NEXMIF: variants seen among roughly 807,000 people sequenced by gnomAD.
NEXMIF encodes neurite extension and migration factor, also known as XLMR protein related to neurite extension.
In NEXMIF, 8 loss-of-function variants were observed where a neutral mutation model predicts 62.1. That is an observed-to-expected ratio of 0.13 (90% CI 0.08 to 0.23). The LOEUF is 0.23. Ranked by LOEUF, NEXMIF falls within the 10% of genes least tolerant of loss-of-function variation. The pLI, the probability that NEXMIF is intolerant of heterozygous loss-of-function variation, is 1.00. For missense variants in NEXMIF, 976 were observed against 1,113.3 expected (o/e 0.88, Z 1.75); for synonymous variants, 404 against 416.6 (o/e 0.97, Z 0.37).
At chrX:74,782,719 A>AT in intron 1 of NEXMIF, among the ~76,000 whole-genome samples, 1 of 112,086 alleles carries the variant, frequency 8.9e-6, no homozygotes, top group East Asian at 2.8e-4. Context: ...CATTTCACTT[A>AT]GTAACATTAT....
At chrX:74,918,373 C>T (rs1190013229) in intron 1 of NEXMIF, among the ~76,000 whole-genome samples, 1 of 111,839 alleles carries the variant, frequency 8.9e-6, no homozygotes, top group African/African-American at 3.3e-5. Context: ...AGGATGTGTT[C>T]CAGTTATTTA....
intron 1 of NEXMIF, among the ~76,000 whole-genome samples, chrX:74,889,901 C>A (rs773024112): frequency 9.1e-6 from 1 of 110,083 alleles, no homozygotes; most frequent in African/African-American, 3.3e-5. Flanking sequence ...TAGTTTTCTT[C>A]TTTTTGTCTG....
chrX:74,805,709 T>C (rs993377409), intron 1 of NEXMIF, among the ~76,000 whole-genome samples: 5 of 111,855 alleles, frequency 4.5e-5, no homozygotes, highest in African/African-American at 1.6e-4. Context: ...ATGTGGCCAG[T>C]TTTCCAAGCA....
intron 1 of NEXMIF, among the ~76,000 whole-genome samples, chrX:74,871,384 G>A (rs1271586473): frequency 9.0e-6 from 1 of 111,188 alleles, no homozygotes; most frequent in Non-Finnish European, 1.9e-5. Flanking sequence ...AAAAGGCAGA[G>A]GCAAAAATTA....
At chrX:74,779,797 C>G (rs1364151530) in intron 1 of NEXMIF, among the ~76,000 whole-genome samples, 3 of 111,872 alleles carry the variant, frequency 2.7e-5, no homozygotes, top group South Asian at 3.8e-4. Flanking sequence ...GTAGACCCAA[C>G]CAGAATATGA....
chrX:74,835,585 T>C (rs147263142), intron 1 of NEXMIF, among the ~76,000 whole-genome samples: 2 of 111,719 alleles, frequency 1.8e-5, no homozygotes, highest in East Asian at 5.7e-4. Flanking sequence ...AGAAAGGAAC[T>C]CTTGTTTTTT....
chrX:74,816,940 C>A (rs1487531321), intron 1 of NEXMIF, among the ~76,000 whole-genome samples: 2 of 112,067 alleles, frequency 1.8e-5, no homozygotes, highest in African/African-American at 6.5e-5. Context: ...ACATAGATTT[C>A]TTACACAATG....
chrX:74,831,412 C>T (rs1266305081), intron 1 of NEXMIF, among the ~76,000 whole-genome samples: 1 of 90,422 alleles, frequency 1.1e-5, no homozygotes, highest in Non-Finnish European at 2.1e-5. Flanking sequence ...TCTCATTGTT[C>T]AATTCCCACC....
chrX:74,760,363 C>T (rs1001512693), intron 1 of NEXMIF, among the ~76,000 whole-genome samples: 1 of 111,717 alleles, frequency 9.0e-6, no homozygotes, highest in Non-Finnish European at 1.9e-5. Context: ...TCCTCTCTTC[C>T]TATTTGGATG....
At chrX:74,861,943 T>G (rs946220233) in intron 1 of NEXMIF, among the ~76,000 whole-genome samples, 1 of 111,469 alleles carries the variant, frequency 9.0e-6, no homozygotes, top group Non-Finnish European at 1.9e-5. Flanking sequence ...TCAACAAGTC[T>G]GCAAAATAAC....
intron 1 of NEXMIF, among the ~76,000 whole-genome samples, chrX:74,874,294 G>C (rs2080618377): frequency 9.5e-6 from 1 of 104,792 alleles, no homozygotes; most frequent in African/African-American, 3.5e-5. Context: ...TCAAAGATCA[G>C]ATAGTTGTAG....
At chrX:74,840,410 C>T (rs945431220) in intron 1 of NEXMIF, among the ~76,000 whole-genome samples, 1 of 111,661 alleles carries the variant, frequency 9.0e-6, no homozygotes, top group Non-Finnish European at 1.9e-5. Flanking sequence ...ATCCCATGCT[C>T]CGCTGGGATG....
At chrX:74,831,013 T>C (rs1390872866) in intron 1 of NEXMIF, among the ~76,000 whole-genome samples, 1 of 111,020 alleles carries the variant, frequency 9.0e-6, no homozygotes, top group South Asian at 3.8e-4. Flanking sequence ...ATACTTTGAC[T>C]TCTTCCTTTC....
intron 1 of NEXMIF, among the ~76,000 whole-genome samples, chrX:74,885,494 T>C (rs778885197): frequency 9.0e-6 from 1 of 111,017 alleles, no homozygotes; most frequent in Admixed American, 9.6e-5. Context: ...AAATACAAAC[T>C]ACCATCAGAG....
At chrX:74,922,079 C>T (rs923722231) in intron 1 of NEXMIF, among the ~76,000 whole-genome samples, 6 of 111,394 alleles carry the variant, frequency 5.4e-5, no homozygotes, top group African/African-American at 1.6e-4. Context: ...GTCCGTGAGA[C>T]GAGGACCTCC....
chrX:74,794,797 C>G (rs948129471), intron 1 of NEXMIF, among the ~76,000 whole-genome samples: 4 of 111,919 alleles, frequency 3.6e-5, no homozygotes, highest in African/African-American at 1.3e-4. Flanking sequence ...TGACCCCTTG[C>G]GCTTCCCAAG....
At chrX:74,799,313 G>A (rs749211915) in intron 1 of NEXMIF, among the ~76,000 whole-genome samples, 1 of 111,705 alleles carries the variant, frequency 9.0e-6, no homozygotes, top group African/African-American at 3.3e-5. Context: ...CTCCTTCACA[G>A]TGAGTCCCCT....
chrX:74,777,736 G>C (rs2080232755), intron 1 of NEXMIF, among the ~76,000 whole-genome samples: 1 of 111,526 alleles, frequency 9.0e-6, no homozygotes, highest in South Asian at 3.8e-4. Flanking sequence ...AGATAAAATG[G>C]ACTCCCTGTG....
chrX:74,819,599 C>A (rs2080387915), intron 1 of NEXMIF, among the ~76,000 whole-genome samples: 1 of 112,318 alleles, frequency 8.9e-6, no homozygotes, highest in African/African-American at 3.2e-5. Flanking sequence ...CTCATCATCA[C>A]TGCTCATTAG....
Sources: gnomAD v4.1 joint callset for allele counts (sites outside exome capture counted in the v4.1 genomes callset) on GRCh38, gnomAD v4.1.1 for gene constraint, MANE v1.5 for transcripts, NCBI Gene and HGNC (gene_info 2026-07-23, HGNC 2026-07-21) for gene names.